The following MON1B variants were observed in gnomAD, a reference collection of about 807,000 sequenced individuals.
The protein encoded by MON1B is MON1 vesicular trafficking associated B.
MON1B carries 26 observed loss-of-function variants against 45.1 expected under a neutral mutation model. The ratio of observed to expected loss-of-function variants is 0.58; its 90% CI spans 0.42 to 0.80. The LOEUF is 0.80. MON1B is among the 30% of genes least tolerant of loss of function. The pLI is 0.00. For synonymous variants in MON1B, 395 were observed against 320.2 expected, an observed-to-expected ratio of 1.23 and a Z score of -2.49; for missense variants, 737 against 754.5, an observed-to-expected ratio of 0.98 and a Z score of 0.27.
chr16:77,193,584 AGG>A lies in MON1B; in HGVS notation c.283_284del (p.Gly95ProfsTer7). The A allele has an allele frequency of 6.2e-7, 1 of 1,614,000 alleles. No homozygotes were observed. The highest frequency in any genetic ancestry group is 1.1e-5 in the South Asian group (1 of 91,090). On this transcript the variant is annotated frameshift_variant, in exon 3 of 6. Coordinates refer to ENST00000248248, the MANE Select transcript of MON1B (RefSeq NM_014940.4). LOFTEE classifies it high-confidence loss of function. This position sits in a 1 kb window ranked among gnomAD's most constrained non-coding sequence, Gnocchi z 5.0. Reference sequence around the variant, plus strand: ...CATGTAGCCCTGAGAGTAGCTCTGGAGGCCAGGGCGGGGACCCCAGTGATGAG... The same window carrying A: ...CATGTAGCCCTGAGAGTAGCTCTGGACCAGGGCGGGGACCCCAGTGATGAG... ...PTCSPESSSG[G>X]QGGDPSDEEW...
chr16:77,194,647 C>T lies in MON1B; in HGVS notation c.788C>T (p.Ala263Val), dbSNP rs374115505. The change falls in exon 4 of 6, where the codon GCG becomes GTG. Residue 263 changes from alanine (A) to valine (V), a missense_variant. Physicochemically the swap from Ala to Val is moderately conservative, Grantham distance 64. Transcript: ENST00000248248. The surrounding 1 kb of genome is among the most constrained non-coding windows in gnomAD (Gnocchi z 8.1). ...CGCCCGCTGCGAGACGCACTAGGTG[C>T]GCTCCTCCGACGTTGCACAGCGCCT... ...LARPLRDALGALLRRCTAPGL... is the reference protein window; with the variant it reads ...LARPLRDALGVLLRRCTAPGL... 4.3e-6 allele frequency: 7 copies of T among 1,613,802 alleles called. No homozygotes were observed. Among genetic ancestry groups the T allele is most frequent in the East Asian group, 2.2e-5 (1 of 44,844 alleles).
Position 77,198,149 on chromosome 16 carries a change from G to A in MON1B, c.1485G>A (p.Leu495=). 1.2e-6 allele frequency: 2 copies of A among 1,614,114 alleles called. No homozygotes were observed. Among genetic ancestry groups the A allele is most frequent in the Non-Finnish European group, 1.7e-6 (2 of 1,180,008 alleles). ...KFELYTCLSP[L]VTKAGAILVV... ...AGCTCTATACCTGCCTCAGCCCTCT[G>A]GTGACCAAGGCAGGTGCAATCTTGG... The change falls in exon 6 of 6, where the codon CTG becomes CTA. Residue 495 remains leucine, a synonymous_variant. Coordinates refer to ENST00000248248, the MANE Select transcript of MON1B (RefSeq NM_014940.4).
At position 77,201,741 on chromosome 16, in the gene MON1B, T is replaced by C. The variant is rs559731867; in HGVS notation, c.*3433T>C. The C allele has an allele frequency of 6.6e-6, 1 of 152,266 alleles. No individual in the cohort carries two copies. Among genetic ancestry groups the C allele is most frequent in the East Asian group, 1.9e-4 (1 of 5,192 alleles). 9.4% of individuals were successfully genotyped at this position (152,266 alleles called of 1,614,324 possible). ...TGCATGCTGTGGAGTGTCTCTGTGG[T>C]GGATTTCTTTTTAAGAGGCAGAAAA... is the stretch of plus-strand genomic sequence containing the variant. On this transcript the variant is annotated 3_prime_UTR_variant, in exon 6 of 6. Transcript: ENST00000248248.
chr16:77,195,976 C>T (rs2054661875), intron 5 of MON1B, among the ~76,000 whole-genome samples: 1 of 152,208 alleles, frequency 6.6e-6, no homozygotes, highest in African/African-American at 2.4e-5. Flanking sequence ...ACTGCTGTGC[C>T]TGCCGATTCC....
chr16:77,195,731 C>A, intron 5 of MON1B, 49 bp downstream of exon 5: 2 of 1,603,748 alleles, frequency 1.2e-6, no homozygotes, highest in Non-Finnish European at 1.7e-6. Context: ...TTCAAGCCTC[C>A]TTTCCCTATA....
intron 2 of MON1B, among the ~76,000 whole-genome samples, chr16:77,192,539 G>T (rs1386002989): frequency 6.6e-6 from 1 of 152,124 alleles, no homozygotes; most frequent in Non-Finnish European, 1.5e-5. Context: ...CATGGGTAGG[G>T]GCAATGGAAG....
intron 2 of MON1B, 113 bp downstream of exon 2, chr16:77,191,746 C>T: frequency 8.0e-7 from 1 of 1,251,754 alleles, no homozygotes; most frequent in Non-Finnish European, 1.1e-6. Flanking sequence ...AGAGAAGTGG[C>T]TTAAACCATC....
At chr16:77,192,838 TA>T (rs2054627571) in intron 2 of MON1B, among the ~76,000 whole-genome samples, 1 of 151,850 alleles carries the variant, frequency 6.6e-6, no homozygotes, top group Non-Finnish European at 1.5e-5. Flanking sequence ...AATAGTGGAT[TA>T]GGGGAGTCCT....
intron 5 of MON1B, among the ~76,000 whole-genome samples, chr16:77,195,906 T>C (rs74027174): frequency 0.012 from 1,775 of 152,292 alleles, 38 homozygotes; most frequent in African/African-American, 0.041. Context: ...TCCTGTGTGC[T>C]TCTCCCAGAT....
intron 2 of MON1B, 114 bp downstream of exon 2, chr16:77,191,747 T>C: frequency 8.0e-7 from 1 of 1,254,114 alleles, no homozygotes; most frequent in East Asian, 2.6e-5. Flanking sequence ...GAGAAGTGGC[T>C]TAAACCATCG....
rs1193111337 is a variant in MON1B at position 77,199,576 on chromosome 16, G to A, written c.*1268G>A. On this transcript the variant is annotated 3_prime_UTR_variant, in exon 6 of 6. Coordinates refer to ENST00000248248, the MANE Select transcript of MON1B (RefSeq NM_014940.4). The stretch of plus-strand genomic sequence containing the variant: ...CCAGGGCAGAAAGGAGGGAGGATTC[G>A]TCCCATTACAATAATGAAATAATGA... 4.9e-6 allele frequency: 6 copies of A among 1,226,404 alleles called. No homozygotes were observed. The East Asian group carries it at 1.0e-4, about 21-fold the overall frequency. 76.0% of individuals were successfully genotyped at this position (1,226,404 alleles called of 1,614,324 possible).
At chr16:77,192,659 G>T (rs1330675520) in intron 2 of MON1B, among the ~76,000 whole-genome samples, 2 of 152,122 alleles carry the variant, frequency 1.3e-5, no homozygotes, top group African/African-American at 4.8e-5. Context: ...TCTCTGAAGT[G>T]CTGGGTGTTA....
rs141392869 is a variant in MON1B, at chr16:77,199,895, T to C, written c.*1587T>C. 1.1e-3 allele frequency: 184 copies of C among 169,012 alleles called. 1 individual carries two copies. The highest frequency in any genetic ancestry group is 4.3e-3 in the African/African-American group (181 of 41,940). 10.5% of individuals were successfully genotyped at this position (169,012 alleles called of 1,614,324 possible). On this transcript the variant is annotated 3_prime_UTR_variant, in exon 6 of 6. Transcript: ENST00000248248. Reference sequence around the variant, plus strand: ...TTTCACACCTAACACATATGACACTTTGATGGACTCTTAAACCTCCTAATC... The same window carrying C: ...TTTCACACCTAACACATATGACACTCTGATGGACTCTTAAACCTCCTAATC...
rs2054703643 is a variant in MON1B, at chr16:77,199,389, T to G, written c.*1081T>G. 2.5e-5 allele frequency: 38 copies of G among 1,507,154 alleles called. No homozygotes were observed. Among genetic ancestry groups the G allele is most frequent in the East Asian group, 4.9e-5 (2 of 40,682 alleles). The allele number at this position is 1,507,154 out of a possible 1,614,324, so 93.4% of individuals were successfully genotyped here. ...ATGCGTGCTGAAAAGCCTTTCACCCTCACGTGGTTTCTTTTTTAACCAGTC... is the reference window on the plus strand; with the variant it reads ...ATGCGTGCTGAAAAGCCTTTCACCCGCACGTGGTTTCTTTTTTAACCAGTC... On this transcript the variant is annotated 3_prime_UTR_variant, in exon 6 of 6. Transcript: ENST00000248248.
chr16:77,195,825 C>T lies in MON1B; in HGVS notation c.1443+143C>T, dbSNP rs143886376. The stretch of plus-strand genomic sequence containing the variant: ...TGCCTTGCCTGCAACACTGTCCCTG[C>T]CTTTACACACACATCTTTGAAGCCC... On this transcript the variant is annotated intron_variant, in intron 5 of 5. Transcript: ENST00000248248. 7.9e-5 allele frequency: 74 copies of T among 941,406 alleles called. No homozygotes were observed. In the African/African-American group the frequency reaches 1.1e-3, roughly 14 times the overall value. 58.3% of individuals were successfully genotyped at this position (941,406 alleles called of 1,614,324 possible).
Position 77,200,274 on chromosome 16 carries a change from G to GTGTATATATATATATATATA in MON1B, c.*1967_*1968insGTATATATATATATATATAT, listed in dbSNP as rs1254014728. 1 of 113,582 alleles carries GTGTATATATATATATATATA rather than the reference G, an allele frequency of 8.8e-6. No homozygotes were observed. The highest frequency in any genetic ancestry group is 3.5e-5 in the African/African-American group (1 of 28,582). The allele number at this position is 113,582 out of a possible 1,614,324, so 7.0% of individuals were successfully genotyped here. A position where few individuals can be genotyped will look rare whatever the true frequency, so the allele number is the denominator to read the frequency against. ...TATATGTGTATATATATATATATGT[G>GTGTATATATATATATATATA]TATATATATATATATATACACACAC... On this transcript the variant is annotated 3_prime_UTR_variant, in exon 6 of 6. Coordinates refer to ENST00000248248, the MANE Select transcript of MON1B (RefSeq NM_014940.4).
chr16:77,196,982 A>G (rs2054671322), intron 5 of MON1B, among the ~76,000 whole-genome samples: 1 of 152,074 alleles, frequency 6.6e-6, no homozygotes, highest in African/African-American at 2.4e-5. Context: ...CCCCTTCACT[A>G]TGTGAGCACA....
chr16:77,191,470 A>T lies in MON1B; in HGVS notation c.-10-6A>T. On this transcript the variant is annotated splice_polypyrimidine_tract_variant and splice_region_variant and intron_variant, in intron 1 of 5. Transcript: ENST00000248248. ...GCCCGTCACCCTCGATTCCCCTCCC[A>T]CTCAGGGATGTGCAGATGGAGGTCG... 6.3e-7 allele frequency: 1 copy of T among 1,596,144 alleles called. No homozygotes were observed. The highest frequency in any genetic ancestry group is 8.5e-7 in the Non-Finnish European group (1 of 1,173,372).
rs1299881689 is a variant in MON1B, at chr16:77,198,539, C to T, written c.*231C>T. On this transcript the variant is annotated 3_prime_UTR_variant, in exon 6 of 6. Transcript: ENST00000248248. ...TCCCCCTCTGGGGAAATCCTTAGGC[C>T]TCCCTCTCCCTTCCCTCTGTCTCAT... 12 of 569,768 alleles carry T rather than the reference C, an allele frequency of 2.1e-5. No homozygotes were observed. Among genetic ancestry groups the T allele is most frequent in the African/African-American group, 3.8e-5 (2 of 53,182 alleles). The allele number at this position is 569,768 out of a possible 1,614,324, so 35.3% of individuals were successfully genotyped here.
Sources: allele counts gnomAD v4.1 joint callset (sites outside exome capture counted in the v4.1 genomes callset), GRCh38; gene constraint gnomAD v4.1.1; non-coding constraint Gnocchi (gnomAD v3.1); transcripts MANE v1.5; gene names NCBI Gene and HGNC (gene_info 2026-07-23, HGNC 2026-07-21).